MBNL2: variants seen among roughly 807,000 people sequenced by gnomAD.
The protein encoded by MBNL2 is muscleblind-like protein 2.
In MBNL2, 17 loss-of-function variants were observed where a neutral mutation model predicts 41.9. The observed-to-expected ratio is 0.41, with a 90% CI of 0.28 to 0.61. MBNL2 has a LOEUF of 0.61. Ranked by LOEUF, MBNL2 falls within the 20% of genes least tolerant of loss-of-function variation. The probability of loss-of-function intolerance (pLI) is 0.35; values close to 1 mark genes in which losing one functional copy is unlikely to be tolerated. For missense variants in MBNL2, 336 were observed against 505.6 expected (o/e 0.66, Z 3.22); for synonymous variants, 195 against 182.9 (o/e 1.07, Z -0.53).
intron 1 of MBNL2, among the ~76,000 whole-genome samples, chr13:97,267,612 G>C (rs2050076585): frequency 6.6e-6 from 1 of 152,114 alleles, no homozygotes; most frequent in South Asian, 2.1e-4. Flanking sequence ...CCTTTAAAGT[G>C]GTCCTCTCTC....
Position 97,366,326 on chromosome 13 carries a change from G to T in MBNL2, c.1048+1155G>T. 5 of 578,078 alleles carry T rather than the reference G, an allele frequency of 8.6e-6. No individual in the cohort carries two copies. The highest frequency in any genetic ancestry group is 2.9e-5 in the South Asian group (1 of 34,102). 35.8% of individuals were successfully genotyped at this position (578,078 alleles called of 1,614,324 possible). A position where few individuals can be genotyped will look rare whatever the true frequency, so the allele number is the denominator to read the frequency against. On this transcript the variant is annotated intron_variant, in intron 8 of 8. Transcript: ENST00000679496. This position sits in a 1 kb window ranked among gnomAD's most constrained non-coding sequence, Gnocchi z 4.7. The stretch of plus-strand genomic sequence containing the variant: ...CTCCCATGCTTCCTTGCTTTGCATT[G>T]TGATTGCATGCCATCTGCTGGTTTA...
the MBNL2 span, among the ~76,000 whole-genome samples, chr13:97,201,822 C>G: frequency 6.6e-6 from 1 of 152,196 alleles, no homozygotes; most frequent in African/African-American, 2.4e-5. Flanking sequence ...ACTTTCTACT[C>G]TGCCACATGG....
At chr13:97,151,364 T>C in the MBNL2 span, among the ~76,000 whole-genome samples, 5 of 152,130 alleles carry the variant, frequency 3.3e-5, no homozygotes, top group Non-Finnish European at 7.4e-5. Context: ...TCCCCAACCC[T>C]GGCAGATGAT....
At chr13:97,306,176 C>T (rs1430147264) in intron 2 of MBNL2, among the ~76,000 whole-genome samples, 4 of 152,228 alleles carry the variant, frequency 2.6e-5, no homozygotes, top group African/African-American at 9.6e-5. Flanking sequence ...AAGAACCTAA[C>T]TTAATAGGAG....
At chr13:97,224,065 A>AT (rs2041215474) in intron 1 of MBNL2, among the ~76,000 whole-genome samples, 1 of 152,174 alleles carries the variant, frequency 6.6e-6, no homozygotes, top group South Asian at 2.1e-4. Flanking sequence ...TACCTGCCAC[A>AT]TGTCGGGCCG....
intron 1 of MBNL2, among the ~76,000 whole-genome samples, chr13:97,226,778 T>A (rs1055634550): frequency 6.6e-6 from 1 of 152,066 alleles, no homozygotes; most frequent in Non-Finnish European, 1.5e-5. Flanking sequence ...AATCAAAATA[T>A]GAAGCTACTG....
chr13:97,314,722 A>G (rs530272521), intron 2 of MBNL2, among the ~76,000 whole-genome samples: 4 of 152,332 alleles, frequency 2.6e-5, no homozygotes, highest in East Asian at 3.9e-4. Context: ...ACTGAGGTCA[A>G]CAACTCTAAT....
chr13:97,295,713 C>A (rs2056909680), intron 2 of MBNL2, among the ~76,000 whole-genome samples: 1 of 152,024 alleles, frequency 6.6e-6, no homozygotes, highest in Admixed American at 6.6e-5. Flanking sequence ...ACGATGAGAG[C>A]ACAGTAACAG....
intron 2 of MBNL2, among the ~76,000 whole-genome samples, chr13:97,323,506 T>C (rs2059669222): frequency 1.3e-5 from 2 of 152,334 alleles, no homozygotes; most frequent in South Asian, 4.1e-4. Context: ...TAGCATTCAC[T>C]TTGTATTAGG....
chr13:97,143,794 C>T, the MBNL2 span, among the ~76,000 whole-genome samples: 6 of 152,004 alleles, frequency 3.9e-5, no homozygotes, highest in African/African-American at 9.7e-5. Flanking sequence ...ACTTATTTTT[C>T]GATAGTTCAA....
At chr13:97,249,248 G>C (rs1479161462) in intron 1 of MBNL2, among the ~76,000 whole-genome samples, 1 of 152,182 alleles carries the variant, frequency 6.6e-6, no homozygotes, top group Non-Finnish European at 1.5e-5. Context: ...AAGATGTTCA[G>C]TCTGGAAAGT....
intron 1 of MBNL2, among the ~76,000 whole-genome samples, chr13:97,263,437 A>G (rs1270721530): frequency 6.6e-6 from 1 of 152,086 alleles, no homozygotes; most frequent in African/African-American, 2.4e-5. Context: ...CAAAGCCCCT[A>G]TGTCACTATT....
intron 5 of MBNL2, among the ~76,000 whole-genome samples, chr13:97,350,764 T>C (rs1325013000): frequency 6.6e-6 from 1 of 152,228 alleles, no homozygotes; most frequent in Non-Finnish European, 1.5e-5. Context: ...GAATTCTAGT[T>C]CTCTTGCTAT....
the MBNL2 span, among the ~76,000 whole-genome samples, chr13:97,210,051 C>T: frequency 6.6e-6 from 1 of 152,184 alleles, no homozygotes; most frequent in Admixed American, 6.5e-5. Context: ...CCGCCTTGGC[C>T]TCCCGAAGTG....
chr13:97,246,332 T>C (rs927085217), intron 1 of MBNL2, among the ~76,000 whole-genome samples: 44 of 152,176 alleles, frequency 2.9e-4, no homozygotes, highest in Middle Eastern at 3.4e-3. Flanking sequence ...GGTGAATCCC[T>C]ATTGAACTTC....
At chr13:97,300,632 G>T (rs77385925) in intron 2 of MBNL2, among the ~76,000 whole-genome samples, 11,486 of 152,084 alleles carry the variant, frequency 0.076, 670 homozygotes, top group African/African-American at 0.16. Context: ...CTTAACCTCC[G>T]AACTGACCTC....
the MBNL2 span, among the ~76,000 whole-genome samples, chr13:97,201,049 C>T: frequency 6.6e-6 from 1 of 152,092 alleles, no homozygotes; most frequent in South Asian, 2.1e-4. Context: ...ATCTCTCTCA[C>T]TCATCAAGCT....
the MBNL2 span, among the ~76,000 whole-genome samples, chr13:97,182,988 TA>T: frequency 6.6e-6 from 1 of 152,178 alleles, no homozygotes; most frequent in Non-Finnish European, 1.5e-5. Flanking sequence ...ACAATATCAA[TA>T]AAAAGTCTGA....
intron 8 of MBNL2, among the ~76,000 whole-genome samples, chr13:97,375,616 G>A (rs117134030): frequency 3.9e-5 from 6 of 152,268 alleles, no homozygotes; most frequent in East Asian, 1.9e-4. Flanking sequence ...TAAACCCACC[G>A]GGACTCTGTT....
Sources: gnomAD v4.1 joint callset for allele counts (sites outside exome capture counted in the v4.1 genomes callset) on GRCh38, gnomAD v4.1.1 for gene constraint, Gnocchi (gnomAD v3.1) non-coding constraint, MANE v1.5 for transcripts, NCBI Gene and HGNC (gene_info 2026-07-23, HGNC 2026-07-21) for gene names.